The following PDE4D variants were observed in gnomAD, a reference collection of about 807,000 sequenced individuals.
PDE4D encodes 3',5'-cyclic-AMP phosphodiesterase 4D.
Under a neutral mutation model 87.4 loss-of-function variants are expected in PDE4D, and 24 were observed. The observed-to-expected ratio is 0.27, with a 90% CI of 0.20 to 0.39. The LOEUF is 0.39. PDE4D is among the 10% of genes least tolerant of loss of function. The probability of loss-of-function intolerance (pLI) is 1.00; values close to 1 mark genes in which losing one functional copy is unlikely to be tolerated. For synonymous variants in PDE4D, 384 were observed against 383.2 expected, an observed-to-expected ratio of 1.00 and a Z score of -0.02; for missense variants, 714 against 1,041.0, an observed-to-expected ratio of 0.69 and a Z score of 4.32.
intron 1 of PDE4D, among the ~76,000 whole-genome samples, chr5:60,457,148 C>T (rs73108670): frequency 0.18 from 26,943 of 152,140 alleles, 3,874 homozygotes; most frequent in African/African-American, 0.39. Flanking sequence ...AGAAGGAATA[C>T]ATAAAAGAGA....
chr5:60,013,230 C>A (rs1320338116), intron 2 of PDE4D, among the ~76,000 whole-genome samples: 2 of 152,180 alleles, frequency 1.3e-5, no homozygotes, highest in Non-Finnish European at 2.9e-5. Flanking sequence ...ACTTCCACCT[C>A]TCCCAAGGCC....
At chr5:60,294,614 C>G (rs930746957) in intron 1 of PDE4D, among the ~76,000 whole-genome samples, 6 of 151,832 alleles carry the variant, frequency 4.0e-5, no homozygotes, top group Non-Finnish European at 7.4e-5. Context: ...TATAAATAAG[C>G]CTCTCCATTC....
At chr5:60,000,914 T>C (rs1387785822) in intron 2 of PDE4D, among the ~76,000 whole-genome samples, 2 of 152,140 alleles carry the variant, frequency 1.3e-5, no homozygotes, top group Non-Finnish European at 2.9e-5. Context: ...TTCCCATCCA[T>C]GTTCTCGGAG....
At chr5:59,358,747 G>C (rs1282536608) in intron 1 of PDE4D, among the ~76,000 whole-genome samples, 1 of 151,774 alleles carries the variant, frequency 6.6e-6, no homozygotes, top group Non-Finnish European at 1.5e-5. Flanking sequence ...GAGGGGGAGG[G>C]AGGCCACAAA....
At position 59,160,460 on chromosome 5, in the gene PDE4D, A is replaced by AT. The variant is rs757007882; in HGVS notation, c.808+20134dup. Among the ~76,000 whole-genome samples, 660 of 151,024 alleles carry AT rather than the reference A, an allele frequency of 4.4e-3. 4 individuals are homozygous for AT. Among genetic ancestry groups the AT allele is most frequent in the Non-Finnish European group, 6.9e-3 (466 of 67,780 alleles). ...CTTTGAGTTGGTTTCAAAACCTCGGATTTTTTTTTCCTTCATTAGCTGCAT... is the reference window on the plus strand; with the variant it reads ...CTTTGAGTTGGTTTCAAAACCTCGGATTTTTTTTTTCCTTCATTAGCTGCAT... On this transcript the variant is annotated intron_variant, in intron 5 of 14. Coordinates refer to ENST00000340635, the MANE Select transcript of PDE4D (RefSeq NM_001104631.2).
chr5:59,220,909 AAG>A (rs1435476292), intron 1 of PDE4D, among the ~76,000 whole-genome samples: 3 of 152,104 alleles, frequency 2.0e-5, no homozygotes, highest in Non-Finnish European at 4.4e-5. Context: ...AAAGTAACTA[AAG>A]GATTGGGGAG....
chr5:60,205,746 T>C (rs1742435530), intron 1 of PDE4D, among the ~76,000 whole-genome samples: 1 of 148,136 alleles, frequency 6.8e-6, no homozygotes, highest in Non-Finnish European at 1.5e-5. Context: ...AAAAAAAAAT[T>C]AGCCAGGCGT....
At chr5:60,365,448 C>T (rs1438257540) in intron 1 of PDE4D, among the ~76,000 whole-genome samples, 1 of 152,086 alleles carries the variant, frequency 6.6e-6, no homozygotes, top group Non-Finnish European at 1.5e-5. Flanking sequence ...TTTGTCAAGT[C>T]CCTACCACTC....
chr5:59,906,767 A>G (rs1752869184), intron 3 of PDE4D, among the ~76,000 whole-genome samples: 1 of 152,146 alleles, frequency 6.6e-6, no homozygotes, highest in Non-Finnish European at 1.5e-5. Context: ...GGGACCATTT[A>G]TACACTGTTG....
At chr5:60,465,685 A>G (rs1747296305) in intron 1 of PDE4D, among the ~76,000 whole-genome samples, 1 of 152,194 alleles carries the variant, frequency 6.6e-6, no homozygotes, top group African/African-American at 2.4e-5. Flanking sequence ...TAATAAACCC[A>G]TTGTAAGTTG....
rs117948121 is a variant in PDE4D at position 59,593,747 on chromosome 5, A to G, written c.455+299421T>C. On this transcript the variant is annotated intron_variant, in intron 1 of 14. Transcript: ENST00000340635. ...GGTAGAAAAACCTCAACTATAATTG[A>G]CAAATCGTTAGAGGCTGAGTGCAGG... Among the ~76,000 whole-genome samples the G allele has an allele frequency of 6.0e-3, 912 of 152,292 alleles. 7 individuals carry two copies. The highest frequency in any genetic ancestry group is 0.023 in the Admixed American group (348 of 15,284).
intron 1 of PDE4D, among the ~76,000 whole-genome samples, chr5:59,384,734 T>C (rs1469558310): frequency 6.6e-6 from 1 of 152,110 alleles, no homozygotes; most frequent in Non-Finnish European, 1.5e-5. Flanking sequence ...TGCTGGTAAT[T>C]AACTCTATAA....
chr5:59,414,887 G>C (rs1793332048), intron 1 of PDE4D, among the ~76,000 whole-genome samples: 1 of 152,184 alleles, frequency 6.6e-6, no homozygotes, highest in South Asian at 2.1e-4. Flanking sequence ...CATGGAAGTT[G>C]TCAAAAAAGG....
intron 1 of PDE4D, among the ~76,000 whole-genome samples, chr5:59,877,541 A>T (rs966232560): frequency 1.3e-5 from 2 of 151,200 alleles, no homozygotes; most frequent in African/African-American, 4.8e-5. Context: ...TTTGCAGGGC[A>T]TGGTGGGTCA....
chr5:59,320,853 G>A (rs1193153261), intron 1 of PDE4D, among the ~76,000 whole-genome samples: 5 of 151,360 alleles, frequency 3.3e-5, no homozygotes, highest in South Asian at 4.2e-4. Flanking sequence ...ATTCACCAAC[G>A]AACCCACCAA....
At chr5:59,180,781 A>T in intron 4 of PDE4D, 137 bp from the exon 5 acceptor site, 1 of 815,708 alleles carries the variant, frequency 1.2e-6, no homozygotes, top group Non-Finnish European at 2.0e-6. Flanking sequence ...TTTCTTTCAG[A>T]CTAGCCAGAC....
At chr5:60,421,608 A>T (rs1330098553) in intron 1 of PDE4D, among the ~76,000 whole-genome samples, 1 of 152,224 alleles carries the variant, frequency 6.6e-6, no homozygotes, top group Non-Finnish European at 1.5e-5. Flanking sequence ...GAAAATTTAA[A>T]AATTCTAAAA....
At chr5:59,451,658 C>T (rs1416270525) in intron 1 of PDE4D, among the ~76,000 whole-genome samples, 1 of 152,200 alleles carries the variant, frequency 6.6e-6, no homozygotes, top group African/African-American at 2.4e-5. Flanking sequence ...GCAGACTCCA[C>T]CTCCTACCTC....
intron 1 of PDE4D, among the ~76,000 whole-genome samples, chr5:59,309,589 G>A (rs1354496049): frequency 6.6e-6 from 1 of 152,164 alleles, no homozygotes; most frequent in African/African-American, 2.4e-5. Flanking sequence ...TTCCACAGTT[G>A]GGGTACTCAC....
Sources: allele counts gnomAD v4.1 joint callset (sites outside exome capture counted in the v4.1 genomes callset), GRCh38; gene constraint gnomAD v4.1.1; transcripts MANE v1.5; gene names NCBI Gene and HGNC (gene_info 2026-07-23, HGNC 2026-07-21).